ANK3: variants seen among roughly 807,000 people sequenced by gnomAD.
ANK3 encodes the protein ankyrin-3.
Under a neutral mutation model 370.9 loss-of-function variants are expected in ANK3, and 57 were observed. The observed-to-expected ratio is 0.15, with a 90% CI of 0.12 to 0.19. The LOEUF (loss-of-function observed/expected upper bound fraction) is 0.19. ANK3 is among the 10% of genes least tolerant of loss of function. The probability of loss-of-function intolerance (pLI) is 1.00; values close to 1 mark genes in which losing one functional copy is unlikely to be tolerated. For synonymous variants in ANK3, 1,929 were observed against 1,946.3 expected, an observed-to-expected ratio of 0.99 and a Z score of 0.23; for missense variants, 4,439 against 5,302.1, an observed-to-expected ratio of 0.84 and a Z score of 5.06.
At chr10:60,405,270 A>T (rs2132913654) in intron 2 of ANK3, among the ~76,000 whole-genome samples, 1 of 152,306 alleles carries the variant, frequency 6.6e-6, no homozygotes, top group South Asian at 2.1e-4. Flanking sequence ...AAAAGCCCAG[A>T]TGTTAATTAA....
At chr10:60,380,239 TA>T (rs1277351652) in intron 1 of ANK3, among the ~76,000 whole-genome samples, 1 of 152,176 alleles carries the variant, frequency 6.6e-6, no homozygotes, top group Non-Finnish European at 1.5e-5. Context: ...TAATGTTCTT[TA>T]GGGGGAAAGA....
intron 17 of ANK3, chr10:60,186,514 C>A (rs973331189): frequency 3.1e-6 from 2 of 655,654 alleles, no homozygotes; most frequent in African/African-American, 1.8e-5. Flanking sequence ...GAGCAACTGG[C>A]GCATTGACCA....
chr10:60,349,660 C>T (rs978268638), intron 1 of ANK3, among the ~76,000 whole-genome samples: 1 of 152,068 alleles, frequency 6.6e-6, no homozygotes, highest in Non-Finnish European at 1.5e-5. Context: ...CCACATGAAC[C>T]CTAATTCTTT....
chr10:60,640,457 A>T (rs1459678799), intron 1 of ANK3, among the ~76,000 whole-genome samples: 8 of 142,650 alleles, frequency 5.6e-5, no homozygotes, highest in African/African-American at 1.3e-4. Context: ...AGTGGGCTTC[A>T]TCCCTGGGAT....
chr10:60,528,301 T>A (rs1292932778), intron 2 of ANK3, among the ~76,000 whole-genome samples: 2 of 151,876 alleles, frequency 1.3e-5, no homozygotes, highest in African/African-American at 4.8e-5. Flanking sequence ...CATACCTGGC[T>A]AATTTTATAT....
chr10:60,397,195 T>C (rs1287267579), intron 2 of ANK3, among the ~76,000 whole-genome samples: 1 of 138,654 alleles, frequency 7.2e-6, no homozygotes, highest in African/African-American at 2.7e-5. Context: ...ATACTTATAG[T>C]AGGATTAAAA....
chr10:60,044,526 C>G (rs2076632094), intron 42 of ANK3: 1 of 161,988 alleles, frequency 6.2e-6, no homozygotes, highest in South Asian at 2.0e-4. Flanking sequence ...CAACAACATT[C>G]AAGCATTAAA....
chr10:60,390,925 A>G (rs1227869501), upstream of ANK3, among the ~76,000 whole-genome samples: 1 of 152,224 alleles, frequency 6.6e-6, no homozygotes, highest in Non-Finnish European at 1.5e-5. Context: ...TAAAGGACAC[A>G]GCACCAAGTC....
chr10:60,444,041 T>C (rs2064370308), intron 2 of ANK3, among the ~76,000 whole-genome samples: 2 of 152,068 alleles, frequency 1.3e-5, no homozygotes, highest in Non-Finnish European at 2.9e-5. Context: ...AGGATGAAAA[T>C]GTCAGAATTT....
intron 2 of ANK3, among the ~76,000 whole-genome samples, chr10:60,499,624 G>A (rs2075746727): frequency 6.6e-6 from 1 of 152,126 alleles, no homozygotes; most frequent in Non-Finnish European, 1.5e-5. Flanking sequence ...TCGCTAACAT[G>A]GGTGCATCTT....
At chr10:60,078,024 CAG>C (rs1380047563) in intron 36 of ANK3, among the ~76,000 whole-genome samples, 2 of 152,226 alleles carry the variant, frequency 1.3e-5, no homozygotes, top group Non-Finnish European at 2.9e-5. Context: ...CCAAACTGGT[CAG>C]AGATTTGCAA....
chr10:60,624,091 C>T (rs2078375967), intron 1 of ANK3, among the ~76,000 whole-genome samples: 1 of 152,070 alleles, frequency 6.6e-6, no homozygotes, highest in African/African-American at 2.4e-5. Flanking sequence ...GGAAAAACTA[C>T]CTTTTGAGTG....
At chr10:60,038,872 C>T (rs573284263) in intron 43 of ANK3, among the ~76,000 whole-genome samples, 26 of 152,322 alleles carry the variant, frequency 1.7e-4, no homozygotes, top group African/African-American at 6.3e-4. Context: ...GGTGCTTGCA[C>T]ATGTTGTACC....
At chr10:60,120,066 TAC>T (rs1348706957) in intron 25 of ANK3, among the ~76,000 whole-genome samples, 2 of 152,120 alleles carry the variant, frequency 1.3e-5, no homozygotes, top group Non-Finnish European at 2.9e-5. Context: ...TAAATTATAC[TAC>T]AGAGATATAA....
chr10:60,264,350 T>C (rs1217746625), intron 5 of ANK3, among the ~76,000 whole-genome samples: 1 of 151,984 alleles, frequency 6.6e-6, no homozygotes, highest in African/African-American at 2.4e-5. Context: ...TCAATATTCA[T>C]AAAATAATCT....
chr10:60,683,113 C>T (rs1200077205), intron 1 of ANK3, among the ~76,000 whole-genome samples: 4 of 152,086 alleles, frequency 2.6e-5, no homozygotes, highest in Admixed American at 6.5e-5. Flanking sequence ...GAAAAACCCC[C>T]GCATCTTTGG....
At chr10:60,608,700 A>G (rs2078162117) in intron 2 of ANK3, among the ~76,000 whole-genome samples, 1 of 152,230 alleles carries the variant, frequency 6.6e-6, no homozygotes, top group Non-Finnish European at 1.5e-5. Flanking sequence ...TATCCAGATT[A>G]CATATGTTTA....
At position 60,046,952 on chromosome 10, in the gene ANK3, G is replaced by A. The variant is rs1037700478; in HGVS notation, c.13066-4193C>T. The stretch of plus-strand genomic sequence containing the variant: ...CTCCTGAGTAGCTGGGACTACAGGC[G>A]CCCGCCACCATGCCTGGCTAATTTT... On this transcript the variant is annotated intron_variant, in intron 42 of 43. Coordinates refer to ENST00000280772, the MANE Select transcript of ANK3 (RefSeq NM_020987.5). Among the ~76,000 whole-genome samples, 19 of 151,726 alleles carry A rather than the reference G, an allele frequency of 1.3e-4. 1 individual carries two copies. Among genetic ancestry groups the A allele is most frequent in the African/African-American group, 3.4e-4 (14 of 41,314 alleles).
At chr10:60,246,741 T>C (rs1402022674) in intron 7 of ANK3, among the ~76,000 whole-genome samples, 1 of 152,214 alleles carries the variant, frequency 6.6e-6, no homozygotes, top group African/African-American at 2.4e-5. Context: ...CCCTTTGAAT[T>C]AATAGAGGAT....
Sources: allele counts gnomAD v4.1 joint callset (sites outside exome capture counted in the v4.1 genomes callset), GRCh38; gene constraint gnomAD v4.1.1; transcripts MANE v1.5; gene names NCBI Gene and HGNC (gene_info 2026-07-23, HGNC 2026-07-21).